The following NADK variants were observed in gnomAD, a reference collection of about 807,000 sequenced individuals.
NADK encodes the protein poly(P)/ATP NAD kinase.
Under a neutral mutation model 49.8 loss-of-function variants are expected in NADK, and 22 were observed. That is an observed-to-expected ratio of 0.44 (90% CI 0.32 to 0.63). The LOEUF is 0.63. NADK is among the 30% of genes least tolerant of loss of function. NADK has a pLI of 0.06. For synonymous variants in NADK, 268 were observed against 253.7 expected, an observed-to-expected ratio of 1.06 and a Z score of -0.54; for missense variants, 438 against 609.4, an observed-to-expected ratio of 0.72 and a Z score of 2.96.
intron 3 of NADK, chr1:1,758,302 C>CA: frequency 6.5e-7 from 1 of 1,530,708 alleles, no homozygotes; most frequent in East Asian, 2.3e-5. Context: ...ACGCCGATGG[C>CA]AGCCACAGGG....
chr1:1,756,508 C>A lies in NADK; in HGVS notation c.494G>T (p.Arg165Leu), dbSNP rs772515992. The change falls in exon 5 of 12, where the codon CGA becomes CTA. Residue 165 changes from arginine to leucine, a missense_variant. Physicochemically the swap from Arg to Leu is moderately radical, Grantham distance 102 (BLOSUM62 -2). Coordinates refer to ENST00000341426, the MANE Select transcript of NADK (RefSeq NM_023018.5). ...CAGAGCTGCTGACAGCCCACCTTCT[C>A]GAAAGGTACAGAATTTCTTCTTCAC... ...GAVKKKFCTF[R>L]EDYDDISNQI... The A allele has an allele frequency of 6.2e-7, 1 of 1,614,054 alleles. No homozygotes were observed. The highest frequency in any genetic ancestry group is 1.1e-5 in the South Asian group (1 of 91,082).
At chr1:1,769,266 G>C (rs955741368) in intron 1 of NADK, among the ~76,000 whole-genome samples, 5 of 152,136 alleles carry the variant, frequency 3.3e-5, no homozygotes, top group Non-Finnish European at 2.9e-5. Context: ...AAAAGTACAG[G>C]CTGGGTGCGG....
rs1645362466 is a variant in NADK, at chr1:1,752,690, C to T, written c.*214G>A. 1 of 572,896 alleles carries T rather than the reference C, an allele frequency of 1.7e-6. No homozygotes were observed. Among genetic ancestry groups the T allele is most frequent in the Non-Finnish European group, 3.0e-6 (1 of 337,120 alleles). 35.5% of individuals were successfully genotyped at this position (572,896 alleles called of 1,614,324 possible). ...TCAGCAGGACAGAAGCACTCCCAGC[C>T]CATTTCTCACGCTTCTTTAGAAATG... On this transcript the variant is annotated 3_prime_UTR_variant, in exon 12 of 12. Transcript: ENST00000341426.
In NADK at chr1:1,758,559, C is replaced by T. The variant is rs754384496; in HGVS notation, c.264-1249G>A. The T allele has an allele frequency of 1.7e-5, 27 of 1,562,692 alleles. No individual in the cohort carries two copies. In the Admixed American group the frequency reaches 4.4e-4, roughly 26 times the overall value. On this transcript the variant is annotated intron_variant, in intron 3 of 11. Transcript: ENST00000341426. ...GTATGGTCCTGACTGTGCGCCCACA[C>T]TAGAAGCCTAAGCTCTTCATACTCA...
intron 1 of NADK, among the ~76,000 whole-genome samples, chr1:1,771,055 A>AATATATAT (rs112432636): frequency 7.6e-6 from 1 of 132,094 alleles, no homozygotes; most frequent in African/African-American, 2.8e-5. Context: ...AAAAAAAAAA[A>AATATATAT]ATATATATAT....
At chr1:1,767,246 T>G (rs1370724888) in intron 1 of NADK, among the ~76,000 whole-genome samples, 1 of 152,080 alleles carries the variant, frequency 6.6e-6, no homozygotes, top group Admixed American at 6.6e-5. Context: ...CACAATACAA[T>G]AAAACCAGGA....
rs145015390 is a variant in NADK at position 1,774,830 on chromosome 1, G to A, written c.-41+3459C>T. Among the ~76,000 whole-genome samples, 3 of 152,228 alleles carry A rather than the reference G, an allele frequency of 2.0e-5. No homozygotes were observed. In the East Asian group the frequency reaches 5.8e-4, roughly 29 times the overall value. On this transcript the variant is annotated intron_variant, in intron 1 of 11. Transcript: ENST00000341426. ...TAATTTTAAAAAACCTTTGTAGGGCGGGCATGGTGGCTCACGACTGTAATC... is the reference window on the plus strand; with the variant it reads ...TAATTTTAAAAAACCTTTGTAGGGCAGGCATGGTGGCTCACGACTGTAATC...
intron 1 of NADK, among the ~76,000 whole-genome samples, chr1:1,768,348 G>A (rs934508769): frequency 1.3e-5 from 2 of 151,928 alleles, no homozygotes; most frequent in Non-Finnish European, 2.9e-5. Flanking sequence ...GAACAGCCTG[G>A]GCAACATAGC....
At chr1:1,767,131 G>A (rs1645913424) in intron 1 of NADK, among the ~76,000 whole-genome samples, 1 of 151,924 alleles carries the variant, frequency 6.6e-6, no homozygotes, top group Non-Finnish European at 1.5e-5. Flanking sequence ...TGGCCAGGCT[G>A]GTCTCCAACT....
intron 3 of NADK, chr1:1,759,659 G>A (rs1645651642): frequency 6.9e-7 from 1 of 1,456,142 alleles, no homozygotes. Flanking sequence ...CAGAGACACA[G>A]AGCCCAGAGG....
In NADK at chr1:1,754,903, C is replaced by T. The variant is rs999611717; in HGVS notation, c.689-205G>A. The stretch of plus-strand genomic sequence containing the variant: ...GTGGTGTGATCTTGGCTCACTGCAA[C>T]CTCTGCCTCCCAGGTTCAAGTGATT... On this transcript the variant is annotated intron_variant, in intron 7 of 11. Coordinates refer to ENST00000341426, the MANE Select transcript of NADK (RefSeq NM_023018.5). The surrounding 1 kb of genome is among the most constrained non-coding windows in gnomAD (Gnocchi z 4.3). 2.3e-5 allele frequency: 12 copies of T among 528,840 alleles called. No homozygotes were observed. The highest frequency in any genetic ancestry group is 3.7e-5 in the Admixed American group (1 of 26,986). The allele number at this position is 528,840 out of a possible 1,614,324, so 32.8% of individuals were successfully genotyped here. A position where few individuals can be genotyped will look rare whatever the true frequency, so the allele number is the denominator to read the frequency against.
intron 3 of NADK, 71 bp downstream of exon 3, chr1:1,761,881 C>A: frequency 6.9e-7 from 1 of 1,441,162 alleles, no homozygotes; most frequent in South Asian, 1.1e-5. Flanking sequence ...CCATGGCCCC[C>A]GGCACTCACA....
rs780995813 is a variant in NADK, at chr1:1,754,334, T to C, written c.893A>G (p.Asn298Ser). ...IDRGPSSYLS[N>S]VDVYLDGHLI... Reference sequence around the variant, plus strand: ...GTGTCCGTCCAGGTAGACATCCACATTGGACAGGTAGGAGGAGGGGCCTCT... The same window carrying C: ...GTGTCCGTCCAGGTAGACATCCACACTGGACAGGTAGGAGGAGGGGCCTCT... Residue 298 changes from asparagine to serine, a missense_variant, in exon 9 of 12, where the codon AAT (asparagine) becomes AGT (serine). Physicochemically the swap from Asn to Ser is conservative, Grantham distance 46. Coordinates refer to ENST00000341426, the MANE Select transcript of NADK (RefSeq NM_023018.5). The surrounding 1 kb of genome is among the most constrained non-coding windows in gnomAD (Gnocchi z 4.3). 3.1e-6 allele frequency: 5 copies of C among 1,613,868 alleles called. No homozygotes were observed. The highest frequency in any genetic ancestry group is 3.3e-5 in the Admixed American group (2 of 60,024).
rs75816936 is a variant in NADK at position 1,754,642 on chromosome 1, G to A, written c.745C>T (p.Arg249Trp). The A allele has an allele frequency of 0.026, 42,760 of 1,613,900 alleles. 700 individuals carry two copies. The highest frequency in any genetic ancestry group is 0.049 in the South Asian group (4,500 of 91,066). Reference protein sequence around the residue: ...RLKVRVVKELRGKKTAVHNGL... With the variant: ...RLKVRVVKELWGKKTAVHNGL... ...TTGTGCACGGCCGTCTTCTTCCCCCGGAGCTCCTTCACCACCCTGACCTTC... is the reference window on the plus strand; with the variant it reads ...TTGTGCACGGCCGTCTTCTTCCCCCAGAGCTCCTTCACCACCCTGACCTTC... The change falls in exon 8 of 12, where the codon CGG becomes TGG. Residue 249 changes from arginine (R) to tryptophan (W), a missense_variant. Physicochemically the swap from Arg to Trp is moderately radical, Grantham distance 101 (BLOSUM62 -3). Coordinates refer to ENST00000341426, the MANE Select transcript of NADK (RefSeq NM_023018.5). This position sits in a 1 kb window ranked among gnomAD's most constrained non-coding sequence, Gnocchi z 4.3.
chr1:1,777,760 C>T (rs1353302694), intron 1 of NADK, among the ~76,000 whole-genome samples: 2 of 152,178 alleles, frequency 1.3e-5, no homozygotes, highest in Non-Finnish European at 2.9e-5. Flanking sequence ...TACTGGATGG[C>T]AGCCGCCTGT....
chr1:1,758,303 AGCCACAGG>A, intron 3 of NADK: 1 of 1,534,092 alleles, frequency 6.5e-7, no homozygotes, highest in Non-Finnish European at 8.8e-7. Context: ...CGCCGATGGC[AGCCACAGG>A]GCCACAGACC....
At chr1:1,757,022 C>T in intron 4 of NADK, 159 bp downstream of exon 4, 1 of 1,190,290 alleles carries the variant, frequency 8.4e-7, no homozygotes, top group Non-Finnish European at 1.2e-6. Flanking sequence ...CACACAAACC[C>T]AGACACCCGG....
intron 2 of NADK, among the ~76,000 whole-genome samples, chr1:1,762,759 AAATG>A (rs145189624): frequency 0.42 from 62,733 of 148,894 alleles, 13,199 homozygotes; most frequent in Middle Eastern, 0.52. Flanking sequence ...CTCTGTCTCA[AAATG>A]AATGAATGAA....
intron 3 of NADK, among the ~76,000 whole-genome samples, chr1:1,761,198 G>A (rs565110996): frequency 4.6e-5 from 7 of 152,160 alleles, no homozygotes; most frequent in Non-Finnish European, 1.0e-4. Context: ...TCACCATATT[G>A]GCCAGGCTGG....
Sources: gnomAD v4.1 joint callset for allele counts (sites outside exome capture counted in the v4.1 genomes callset) on GRCh38, gnomAD v4.1.1 for gene constraint, Gnocchi (gnomAD v3.1) non-coding constraint, MANE v1.5 for transcripts, NCBI Gene and HGNC (gene_info 2026-07-23, HGNC 2026-07-21) for gene names.